MEGF10: variants seen among roughly 807,000 people sequenced by gnomAD.
MEGF10 encodes multiple EGF like domains 10, also known as multiple epidermal growth factor-like domains protein 10.
In MEGF10, 86 loss-of-function variants were observed where a neutral mutation model predicts 147.5. The ratio of observed to expected loss-of-function variants is 0.58; its 90% CI spans 0.49 to 0.70. The LOEUF is 0.70. MEGF10 is among the 30% of genes least tolerant of loss of function. The pLI is 0.00. For missense variants in MEGF10, 1,329 were observed against 1,487.3 expected (o/e 0.89, Z 1.75); for synonymous variants, 478 against 525.5 (o/e 0.91, Z 1.24).
In MEGF10 at chr5:127,431,257, C is replaced by A. The variant is rs143872383; in HGVS notation, c.1694-2106C>A. On this transcript the variant is annotated intron_variant, in intron 13 of 24. Transcript: ENST00000503335. ...GATCTCTTTATTCAGATTTGCCTATCTGGCCTGTAGTCATTTTTCTTACCA... is the reference window on the plus strand; with the variant it reads ...GATCTCTTTATTCAGATTTGCCTATATGGCCTGTAGTCATTTTTCTTACCA... 1.7e-3 allele frequency among the ~76,000 whole-genome samples: 261 copies of A among 152,320 alleles called. 1 individual carries two copies. The highest frequency in any genetic ancestry group is 2.4e-4 in the Non-Finnish European group (16 of 68,030).
chr5:127,441,407 A>G (rs1467641197), intron 18 of MEGF10, among the ~76,000 whole-genome samples: 1 of 152,220 alleles, frequency 6.6e-6, no homozygotes, highest in Non-Finnish European at 1.5e-5. Context: ...AACCTTCCAG[A>G]CAACATACTG....
rs1326306989 is a variant in MEGF10 at position 127,460,638 on chromosome 5, T to C, written c.*3320T>C. 2 of 152,176 alleles carry C rather than the reference T, an allele frequency of 1.3e-5. No homozygotes were observed. Among genetic ancestry groups the C allele is most frequent in the Admixed American group, 6.6e-5 (1 of 15,264 alleles). 9.4% of individuals were successfully genotyped at this position (152,176 alleles called of 1,614,324 possible). A position where few individuals can be genotyped will look rare whatever the true frequency, so the allele number is the denominator to read the frequency against. On this transcript the variant is annotated 3_prime_UTR_variant, in exon 25 of 25. Coordinates refer to ENST00000503335, the MANE Select transcript of MEGF10 (RefSeq NM_001256545.2). Reference sequence around the variant, plus strand: ...ATTATTGAGATTTTTAAATGGTAAATATTGCAAAAGTTAAACAAGGGTACC... The same window carrying C: ...ATTATTGAGATTTTTAAATGGTAAACATTGCAAAAGTTAAACAAGGGTACC...
chr5:127,433,339 C>A lies in MEGF10; in HGVS notation c.1694-24C>A. 3 of 1,614,180 alleles carry A rather than the reference C, an allele frequency of 1.9e-6. No homozygotes were observed. The Admixed American group carries it at 5.0e-5, about 27-fold the overall frequency. ...AACTCCGCACTGCCTCTCACTCAGCCTTGCCCCATGTGCATTATTTCAGGT... is the reference window on the plus strand; with the variant it reads ...AACTCCGCACTGCCTCTCACTCAGCATTGCCCCATGTGCATTATTTCAGGT... On this transcript the variant is annotated intron_variant, in intron 13 of 24. Transcript: ENST00000503335.
chr5:127,454,474 T>G, intron 22 of MEGF10, 92 bp from the exon 23 acceptor site: 1 of 1,113,846 alleles, frequency 9.0e-7, no homozygotes, highest in Non-Finnish European at 1.3e-6. Flanking sequence ...TTTGCTGCAG[T>G]GGGAGATCCT....
the MEGF10 span, among the ~76,000 whole-genome samples, chr5:127,250,401 T>C: frequency 6.6e-6 from 1 of 151,770 alleles, no homozygotes; most frequent in Non-Finnish European, 1.5e-5. Flanking sequence ...ATAAAAAAAA[T>C]TTATGACATT....
At chr5:127,282,458 G>C in the MEGF10 span, among the ~76,000 whole-genome samples, 8 of 152,160 alleles carry the variant, frequency 5.3e-5, no homozygotes, top group Admixed American at 3.3e-4. Flanking sequence ...TTTACTCTCT[G>C]AGACTATGCC....
At chr5:127,268,886 G>A in the MEGF10 span, among the ~76,000 whole-genome samples, 1 of 152,224 alleles carries the variant, frequency 6.6e-6, no homozygotes, top group African/African-American at 2.4e-5. Flanking sequence ...CCTTTGAGAC[G>A]AAGCTTCCAG....
the MEGF10 span, among the ~76,000 whole-genome samples, chr5:127,266,418 C>T: frequency 2.6e-5 from 4 of 151,988 alleles, no homozygotes; most frequent in Admixed American, 2.6e-4. Flanking sequence ...TTTTTTGGTT[C>T]CATATGAACT....
chr5:127,363,897 G>A (rs1762564109), intron 4 of MEGF10, among the ~76,000 whole-genome samples: 1 of 152,144 alleles, frequency 6.6e-6, no homozygotes, highest in Admixed American at 6.5e-5. Context: ...TGTGGGGTAA[G>A]AGCCCTTGAC....
At chr5:127,428,570 G>A (rs1224493320) in intron 13 of MEGF10, among the ~76,000 whole-genome samples, 1 of 152,202 alleles carries the variant, frequency 6.6e-6, no homozygotes, top group Non-Finnish European at 1.5e-5. Flanking sequence ...AGCAGAAAAA[G>A]TGTTGTGACT....
intron 22 of MEGF10, among the ~76,000 whole-genome samples, chr5:127,452,001 A>T (rs1356787014): frequency 1.3e-5 from 2 of 152,222 alleles, no homozygotes; most frequent in Non-Finnish European, 2.9e-5. Flanking sequence ...TGATTCGTTC[A>T]TTTGTGAAAT....
At chr5:127,375,563 C>T (rs775003743) in intron 5 of MEGF10, among the ~76,000 whole-genome samples, 2 of 152,218 alleles carry the variant, frequency 1.3e-5, no homozygotes, top group Non-Finnish European at 2.9e-5. Flanking sequence ...TTATTGGCAT[C>T]CTAATGCGTA....
chr5:127,343,779 C>T (rs929254183), intron 4 of MEGF10, among the ~76,000 whole-genome samples: 2 of 151,756 alleles, frequency 1.3e-5, no homozygotes, highest in Non-Finnish European at 2.9e-5. Flanking sequence ...AGGGAGACCC[C>T]GTCTCTTAAA....
chr5:127,345,303 A>T (rs1341485119), intron 4 of MEGF10, among the ~76,000 whole-genome samples: 1 of 152,138 alleles, frequency 6.6e-6, no homozygotes, highest in Non-Finnish European at 1.5e-5. Flanking sequence ...GCAGATTCTG[A>T]TTCCATGGGT....
chr5:127,392,361 C>T lies in MEGF10; in HGVS notation c.413-4171C>T, dbSNP rs1040923406. On this transcript the variant is annotated intron_variant, in intron 5 of 24. Transcript: ENST00000503335. ...GACTTCCTACTTAACAGTCCTCTAC[C>T]CTGTACCTAAATGTGGCACACCCTG... 2.0e-5 allele frequency among the ~76,000 whole-genome samples: 3 copies of T among 152,160 alleles called. No individual in the cohort carries two copies. In the East Asian group the frequency reaches 5.8e-4, roughly 29 times the overall value.
chr5:127,440,987 G>A, intron 18 of MEGF10, 120 bp downstream of exon 18: 1 of 1,312,258 alleles, frequency 7.6e-7, no homozygotes, highest in South Asian at 1.4e-5. Context: ...GCTGATGGCT[G>A]GTTACTTCTC....
intron 22 of MEGF10, among the ~76,000 whole-genome samples, chr5:127,452,179 G>C (rs1766177137): frequency 6.6e-6 from 1 of 152,168 alleles, no homozygotes; most frequent in African/African-American, 2.4e-5. Flanking sequence ...AATCTGGCAG[G>C]GGTGTCTGGC....
chr5:127,240,780 G>A, the MEGF10 span, among the ~76,000 whole-genome samples: 1 of 152,178 alleles, frequency 6.6e-6, no homozygotes, highest in East Asian at 1.9e-4. Context: ...ACAGGAGGAT[G>A]TTGTCAAATA....
At chr5:127,391,868 G>C (rs1418958437) in intron 5 of MEGF10, among the ~76,000 whole-genome samples, 1 of 152,104 alleles carries the variant, frequency 6.6e-6, no homozygotes, top group African/African-American at 2.4e-5. Context: ...CAAATATAAA[G>C]ATTATGAACT....
Sources: gnomAD v4.1 joint callset for allele counts (sites outside exome capture counted in the v4.1 genomes callset) on GRCh38, gnomAD v4.1.1 for gene constraint, MANE v1.5 for transcripts, NCBI Gene and HGNC (gene_info 2026-07-23, HGNC 2026-07-21) for gene names.